Variants in MACROD2 observed in about 807,000 individuals in gnomAD.
MACROD2 encodes the protein ADP-ribose glycohydrolase MACROD2.
In MACROD2, 36 loss-of-function variants were observed where a neutral mutation model predicts 70.4. The ratio of observed to expected loss-of-function variants is 0.51; its 90% CI spans 0.39 to 0.68. The LOEUF is 0.68. MACROD2 is among the 30% of genes least tolerant of loss of function. The pLI is 0.00. For missense variants in MACROD2, 496 were observed against 538.4 expected, an observed-to-expected ratio of 0.92 and a Z score of 0.78; for synonymous variants, 172 against 178.8, an observed-to-expected ratio of 0.96 and a Z score of 0.30.
chr20:14,019,431 G>A (rs548190211), intron 2 of MACROD2, among the ~76,000 whole-genome samples: 3 of 152,128 alleles, frequency 2.0e-5, no homozygotes, highest in South Asian at 2.1e-4. Flanking sequence ...CACCATGCCC[G>A]GCTAATTTTT....
At chr20:14,511,938 CT>C (rs1357780713) in intron 4 of MACROD2, among the ~76,000 whole-genome samples, 6 of 151,888 alleles carry the variant, frequency 4.0e-5, no homozygotes, top group Admixed American at 2.0e-4. Flanking sequence ...ATTTTTTCAA[CT>C]TATTTAGTAT....
intron 8 of MACROD2, among the ~76,000 whole-genome samples, chr20:15,646,395 G>A (rs2049541840): frequency 6.6e-6 from 1 of 152,148 alleles, no homozygotes; most frequent in Non-Finnish European, 1.5e-5. Flanking sequence ...ATGTATTAAG[G>A]TGGAAATTTG....
At chr20:16,047,629 A>G (rs1205575137) in intron 17 of MACROD2, among the ~76,000 whole-genome samples, 1 of 151,660 alleles carries the variant, frequency 6.6e-6, no homozygotes, top group Non-Finnish European at 1.5e-5. Context: ...CACATGGAGA[A>G]AAGTCCTAGA....
intron 10 of MACROD2, among the ~76,000 whole-genome samples, chr20:15,921,717 G>A (rs1237205846): frequency 6.6e-6 from 1 of 152,234 alleles, no homozygotes; most frequent in Non-Finnish European, 1.5e-5. Context: ...AAATCTCTGA[G>A]AGCAGATCCC....
chr20:15,317,497 C>CT, intron 6 of MACROD2, among the ~76,000 whole-genome samples: 1 of 142,650 alleles, frequency 7.0e-6, no homozygotes, highest in South Asian at 2.3e-4. Context: ...ATCTATCTAT[C>CT]TATCTATCTA....
intron 10 of MACROD2, among the ~76,000 whole-genome samples, chr20:15,920,320 T>C (rs2065384200): frequency 6.6e-6 from 1 of 152,080 alleles, no homozygotes; most frequent in African/African-American, 2.4e-5. Flanking sequence ...AGAACAGATA[T>C]TGGAAGCAAC....
intron 9 of MACROD2, among the ~76,000 whole-genome samples, chr20:15,881,035 T>G (rs192359382): frequency 1.3e-5 from 2 of 152,124 alleles, no homozygotes; most frequent in Admixed American, 6.6e-5. Flanking sequence ...TCTTCTCTGT[T>G]GTTTTGCTTT....
intron 5 of MACROD2, among the ~76,000 whole-genome samples, chr20:14,890,475 C>T (rs2122505314): frequency 6.6e-6 from 1 of 152,168 alleles, no homozygotes; most frequent in Admixed American, 6.5e-5. Context: ...GTGTCGAGGT[C>T]TGTTGAAAGG....
At chr20:16,021,759 C>T (rs1358727958) in intron 15 of MACROD2, among the ~76,000 whole-genome samples, 1 of 152,228 alleles carries the variant, frequency 6.6e-6, no homozygotes, top group South Asian at 2.1e-4. Flanking sequence ...CAGAATCACT[C>T]GGCCAATAAG....
chr20:15,894,335 G>A (rs1307562928), intron 10 of MACROD2, among the ~76,000 whole-genome samples: 1 of 152,178 alleles, frequency 6.6e-6, no homozygotes, highest in Non-Finnish European at 1.5e-5. Flanking sequence ...TGAGGCCAGA[G>A]CATCTGGCTG....
intron 4 of MACROD2, among the ~76,000 whole-genome samples, chr20:14,635,460 G>T (rs1984739392): frequency 6.6e-6 from 1 of 152,124 alleles, no homozygotes; most frequent in South Asian, 2.1e-4. Context: ...CATTGATATT[G>T]AATTATCTCT....
intron 3 of MACROD2, among the ~76,000 whole-genome samples, chr20:14,236,675 C>G (rs959860320): frequency 3.3e-5 from 5 of 152,092 alleles, no homozygotes; most frequent in African/African-American, 1.2e-4. Flanking sequence ...TTAGTTCCAG[C>G]AACCGCCCTC....
At chr20:14,387,262 G>A (rs994041) in intron 3 of MACROD2, among the ~76,000 whole-genome samples, 149,159 of 152,336 alleles carry the variant, frequency 0.98, 73,106 homozygotes, top group Middle Eastern at 1. Flanking sequence ...GACATTTTGA[G>A]TATCATAATG....
chr20:16,044,963 C>T (rs982471869), intron 17 of MACROD2, among the ~76,000 whole-genome samples: 1 of 152,152 alleles, frequency 6.6e-6, no homozygotes, highest in East Asian at 1.9e-4. Context: ...AAACTCCAAG[C>T]TGATTCTGAA....
intron 8 of MACROD2, among the ~76,000 whole-genome samples, chr20:15,819,766 A>G (rs903300957): frequency 6.6e-6 from 1 of 152,090 alleles, no homozygotes. Flanking sequence ...GGGGTTGGGA[A>G]GAGGGGGAGG....
intron 15 of MACROD2, among the ~76,000 whole-genome samples, chr20:16,011,220 G>A (rs1428496477): frequency 6.6e-6 from 1 of 152,168 alleles, no homozygotes; most frequent in Non-Finnish European, 1.5e-5. Flanking sequence ...TGTTGACCAC[G>A]CGGCACTTCT....
At chr20:15,139,422 A>G (rs2076175018) in intron 5 of MACROD2, among the ~76,000 whole-genome samples, 1 of 152,106 alleles carries the variant, frequency 6.6e-6, no homozygotes, top group Non-Finnish European at 1.5e-5. Flanking sequence ...TAAATCTGAA[A>G]TGGTCTCATG....
intron 5 of MACROD2, among the ~76,000 whole-genome samples, chr20:14,857,322 G>C (rs1281579560): frequency 6.6e-6 from 1 of 152,206 alleles, no homozygotes; most frequent in Non-Finnish European, 1.5e-5. Context: ...CACAGGCGTT[G>C]AGGGGCCTGG....
chr20:15,834,402 T>C (rs539748739), intron 8 of MACROD2, among the ~76,000 whole-genome samples: 236 of 152,282 alleles, frequency 1.5e-3, no homozygotes, highest in Non-Finnish European at 3.1e-3. Flanking sequence ...TTTGTAGTTT[T>C]TCTCAAGCCT....
Sources: allele counts gnomAD v4.1 joint callset (sites outside exome capture counted in the v4.1 genomes callset), GRCh38; gene constraint gnomAD v4.1.1; transcripts MANE v1.5; gene names NCBI Gene and HGNC (gene_info 2026-07-23, HGNC 2026-07-21).